The following SIK2 variants were observed in gnomAD, a reference collection of about 807,000 sequenced individuals.
SIK2 encodes salt inducible kinase 2, also known as serine/threonine-protein kinase SIK2.
Under a neutral mutation model 103.2 loss-of-function variants are expected in SIK2, and 29 were observed. The observed-to-expected ratio is 0.28, with a 90% CI of 0.21 to 0.38. SIK2 has a LOEUF of 0.38. Among genes scored for constraint, SIK2 ranks in the 10% least tolerant of loss-of-function variants. SIK2 has a pLI of 1.00. For synonymous variants in SIK2, 412 were observed against 446.1 expected (o/e 0.92, Z 0.96); for missense variants, 879 against 1,171.0 (o/e 0.75, Z 3.64).
intron 4 of SIK2, among the ~76,000 whole-genome samples, chr11:111,698,831 A>G (rs1364941361): frequency 6.6e-6 from 1 of 152,236 alleles, no homozygotes; most frequent in Non-Finnish European, 1.5e-5. Context: ...TATTGTATGT[A>G]TTTCAGGATC....
intron 3 of SIK2, among the ~76,000 whole-genome samples, chr11:111,636,168 G>T (rs1347753548): frequency 1.3e-5 from 2 of 152,108 alleles, no homozygotes; most frequent in African/African-American, 4.8e-5. Context: ...AAAATAAAAT[G>T]GGAAAAACCA....
chr11:111,650,539 G>A (rs1455932246), intron 3 of SIK2, among the ~76,000 whole-genome samples: 5 of 152,004 alleles, frequency 3.3e-5, no homozygotes, highest in African/African-American at 4.8e-5. Context: ...AATCTTTGAC[G>A]TAATTATTAG....
chr11:111,652,650 A>G (rs568509295), intron 3 of SIK2, among the ~76,000 whole-genome samples: 1 of 152,350 alleles, frequency 6.6e-6, no homozygotes, highest in East Asian at 1.9e-4. Flanking sequence ...ACTATTGTTA[A>G]TAATGCTAAA....
intron 4 of SIK2, among the ~76,000 whole-genome samples, chr11:111,692,233 C>T (rs1235239265): frequency 3.3e-5 from 5 of 151,468 alleles, no homozygotes; most frequent in African/African-American, 1.2e-4. Context: ...CGCCTGTAGT[C>T]CCAGCTACTC....
chr11:111,670,757 T>A (rs1759520662), intron 3 of SIK2, among the ~76,000 whole-genome samples: 1 of 152,134 alleles, frequency 6.6e-6, no homozygotes, highest in Admixed American at 6.5e-5. Flanking sequence ...TGGAAAAAAA[T>A]AATTGAACTG....
chr11:111,634,899 A>T (rs1942086885), intron 3 of SIK2, among the ~76,000 whole-genome samples: 3 of 152,214 alleles, frequency 2.0e-5, no homozygotes, highest in Non-Finnish European at 4.4e-5. Flanking sequence ...ATAGAAAGAT[A>T]TTAAATTGGT....
At chr11:111,651,048 T>C (rs1483782971) in intron 3 of SIK2, among the ~76,000 whole-genome samples, 4 of 152,208 alleles carry the variant, frequency 2.6e-5, no homozygotes, top group Non-Finnish European at 4.4e-5. Context: ...TAGAGTTATA[T>C]ATTAAGTTTT....
At chr11:111,619,901 A>G (rs1250715077) in intron 2 of SIK2, among the ~76,000 whole-genome samples, 1 of 152,206 alleles carries the variant, frequency 6.6e-6, no homozygotes, top group East Asian at 1.9e-4. Flanking sequence ...TTATTCTTTT[A>G]ATCGGAATCT....
At chr11:111,619,849 T>C (rs1461979503) in intron 2 of SIK2, among the ~76,000 whole-genome samples, 1 of 152,222 alleles carries the variant, frequency 6.6e-6, no homozygotes, top group Non-Finnish European at 1.5e-5. Flanking sequence ...TGTGCCAGAT[T>C]AGCTAGGCTA....
At chr11:111,656,766 C>T (rs1033714410) in intron 3 of SIK2, among the ~76,000 whole-genome samples, 3 of 152,150 alleles carry the variant, frequency 2.0e-5, no homozygotes, top group Admixed American at 6.5e-5. Flanking sequence ...CTGAGTTACT[C>T]GTAAGCTAGT....
intron 3 of SIK2, among the ~76,000 whole-genome samples, chr11:111,676,093 TCC>T (rs1453568345): frequency 6.6e-6 from 1 of 152,208 alleles, no homozygotes; most frequent in African/African-American, 2.4e-5. Flanking sequence ...GGATAGTATT[TCC>T]TCCTTTTTAT....
At chr11:111,645,277 A>G (rs763079379) in intron 3 of SIK2, among the ~76,000 whole-genome samples, 4 of 152,230 alleles carry the variant, frequency 2.6e-5, no homozygotes, top group Non-Finnish European at 5.9e-5. Flanking sequence ...CATTCATAGC[A>G]GTGTTATTTT....
At chr11:111,717,872 G>A (rs375380183) in intron 9 of SIK2, among the ~76,000 whole-genome samples, 23 of 152,182 alleles carry the variant, frequency 1.5e-4, no homozygotes, top group East Asian at 9.6e-4. Flanking sequence ...ATAAGTAGGA[G>A]TTGAATGGAC....
At position 111,616,194 on chromosome 11, in the gene SIK2, A is replaced by C. The variant is rs200423084; in HGVS notation, c.136-49A>C. On this transcript the variant is annotated intron_variant, in intron 1 of 14. Transcript: ENST00000304987. ...TATTGACAGGATTCTTAACTAGAAA[A>C]TGTTAACTATTGTATACTAATTGTA... The C allele has an allele frequency of 3.7e-4, 472 of 1,268,532 alleles. 2 individuals are homozygous for C. The African/African-American group carries it at 6.3e-3, about 17-fold the overall frequency. 78.6% of individuals were successfully genotyped at this position (1,268,532 alleles called of 1,614,324 possible).
rs1393558682 is a variant in SIK2 at position 111,729,671 on chromosome 11, A to G, written c.*5542A>G. The G allele has an allele frequency of 6.6e-6, 1 of 152,240 alleles. No individual in the cohort carries two copies. The highest frequency in any genetic ancestry group is 1.9e-4 in the East Asian group (1 of 5,202). 9.4% of individuals were successfully genotyped at this position (152,240 alleles called of 1,614,324 possible). ...TTTTCATAAGCAAACAGCTGTATAA[A>G]CAAAGCCCCCATTTTGGTCAAGCAC... On this transcript the variant is annotated 3_prime_UTR_variant, in exon 15 of 15. Transcript: ENST00000304987.
intron 6 of SIK2, among the ~76,000 whole-genome samples, chr11:111,702,463 C>T (rs987984909): frequency 1.1e-4 from 16 of 152,208 alleles, no homozygotes; most frequent in Non-Finnish European, 1.6e-4. Flanking sequence ...GTGGCATGCA[C>T]CTGTAGTCCT....
chr11:111,646,410 T>C (rs1193150741), intron 3 of SIK2, among the ~76,000 whole-genome samples: 2 of 152,140 alleles, frequency 1.3e-5, no homozygotes, highest in African/African-American at 2.4e-5. Context: ...GATTGCACCA[T>C]TGCACTCCAG....
intron 10 of SIK2, 89 bp from the exon 11 acceptor site, chr11:111,720,389 G>A (rs1173366751): frequency 7.5e-7 from 1 of 1,338,404 alleles, no homozygotes. Flanking sequence ...CATGGTAGCT[G>A]TCAAAACTCA....
At chr11:111,634,173 C>T (rs1188488988) in intron 3 of SIK2, among the ~76,000 whole-genome samples, 3 of 151,820 alleles carry the variant, frequency 2.0e-5, no homozygotes, top group Non-Finnish European at 4.4e-5. Flanking sequence ...TGAGCATATG[C>T]CTGGGGTTTA....
Sources: allele counts gnomAD v4.1 joint callset (sites outside exome capture counted in the v4.1 genomes callset), GRCh38; gene constraint gnomAD v4.1.1; transcripts MANE v1.5; gene names NCBI Gene and HGNC (gene_info 2026-07-23, HGNC 2026-07-21).